The following SPOCK1 variants were observed in gnomAD, a reference collection of about 807,000 sequenced individuals.
The protein encoded by SPOCK1 is testican-1.
In SPOCK1, 23 loss-of-function variants were observed where a neutral mutation model predicts 55.3. The observed-to-expected ratio is 0.42, with a 90% confidence interval of 0.30 to 0.59. The LOEUF is 0.59. SPOCK1 is among the 20% of genes least tolerant of loss of function. The pLI is 0.22. For missense variants in SPOCK1, 499 were observed against 552.5 expected (o/e 0.90, Z 0.97); for synonymous variants, 226 against 221.0 (o/e 1.02, Z -0.20).
In SPOCK1 at chr5:137,233,314, G is replaced by A. The variant is rs1056645448; in HGVS notation, c.232+33696C>T. Among the ~76,000 whole-genome samples, 9 of 152,310 alleles carry A rather than the reference G, an allele frequency of 5.9e-5. No homozygotes were observed. The East Asian group carries it at 1.4e-3, about 23-fold the overall frequency. On this transcript the variant is annotated intron_variant, in intron 3 of 10. Coordinates refer to ENST00000394945, the MANE Select transcript of SPOCK1 (RefSeq NM_004598.4). ...CTGAATCTAAATGGTTCCATCTGGG[G>A]ATGATGAGAGACAGTGACAGATCAT...
intron 2 of SPOCK1, among the ~76,000 whole-genome samples, chr5:137,473,221 G>A (rs1248963833): frequency 6.6e-6 from 1 of 152,130 alleles, no homozygotes; most frequent in Non-Finnish European, 1.5e-5. Context: ...CCCATACATA[G>A]GAGACTGGCT....
chr5:137,350,470 A>G (rs1330346903), intron 2 of SPOCK1, among the ~76,000 whole-genome samples: 2 of 152,130 alleles, frequency 1.3e-5, no homozygotes, highest in East Asian at 3.9e-4. Flanking sequence ...AGCTTGGAGG[A>G]GGTTCATCTG....
rs11479277 is a variant in SPOCK1, at chr5:137,039,270, CTTTTTTTT to C, written c.589+28437_589+28444del. 6.4e-4 allele frequency among the ~76,000 whole-genome samples: 57 copies of C among 88,954 alleles called. No homozygotes were observed. The East Asian group carries it at 0.018, about 28-fold the overall frequency. The allele number at this position is 88,954 out of a possible 152,430, so 58.4% of individuals were successfully genotyped here. On this transcript the variant is annotated intron_variant, in intron 6 of 10. Transcript: ENST00000394945. ...TCACTCTGCCTTTCTGCCTGCCACA[CTTTTTTTT>C]TTTTTTTTTTTTTTTTTTTTGTTGT...
rs1483689272 is a variant in SPOCK1 at position 137,274,843 on chromosome 5, C to T, written c.187-7788G>A. 3.3e-5 allele frequency among the ~76,000 whole-genome samples: 5 copies of T among 152,184 alleles called. No individual in the cohort carries two copies. The East Asian group carries it at 7.7e-4, about 23-fold the overall frequency. On this transcript the variant is annotated intron_variant, in intron 2 of 10. Coordinates refer to ENST00000394945, the MANE Select transcript of SPOCK1 (RefSeq NM_004598.4). ...GCATATTTTGCGTAAAGGGCAGACA[C>T]GTACTATCTAAGATTCGGTCACACC...
At chr5:137,138,837 GAATGTC>G (rs1406244990) in intron 4 of SPOCK1, among the ~76,000 whole-genome samples, 2 of 151,902 alleles carry the variant, frequency 1.3e-5, no homozygotes, top group African/African-American at 4.8e-5. Flanking sequence ...CCTTTTCGTT[GAATGTC>G]AATGAATGGA....
At chr5:137,183,378 C>G (rs1000104036) in intron 3 of SPOCK1, among the ~76,000 whole-genome samples, 1 of 152,094 alleles carries the variant, frequency 6.6e-6, no homozygotes, top group Admixed American at 6.5e-5. Context: ...GGCCTGAAAA[C>G]CATGGTTCCC....
chr5:137,219,695 G>GCT (rs1183095302), intron 3 of SPOCK1, among the ~76,000 whole-genome samples: 2 of 152,190 alleles, frequency 1.3e-5, no homozygotes, highest in African/African-American at 4.8e-5. Context: ...ATGTTCTAGA[G>GCT]CTCATCATGA....
chr5:137,282,119 C>A (rs1405541303), intron 2 of SPOCK1, among the ~76,000 whole-genome samples: 1 of 152,178 alleles, frequency 6.6e-6, no homozygotes, highest in Non-Finnish European at 1.5e-5. Flanking sequence ...AAACACCCAG[C>A]GCATAGGATG....
At chr5:137,266,377 C>CA (rs1265337359) in intron 3 of SPOCK1, among the ~76,000 whole-genome samples, 2 of 152,262 alleles carry the variant, frequency 1.3e-5, no homozygotes, top group East Asian at 3.9e-4. Context: ...GGCAGGTCCT[C>CA]ACTGTGTCTT....
Position 137,422,589 on chromosome 5 carries a change from C to T in SPOCK1, c.186+75784G>A, listed in dbSNP as rs534732513. Among the ~76,000 whole-genome samples, 3 of 152,356 alleles carry T rather than the reference C, an allele frequency of 2.0e-5. No homozygotes were observed. The East Asian group carries it at 5.8e-4, about 29-fold the overall frequency. On this transcript the variant is annotated intron_variant, in intron 2 of 10. Transcript: ENST00000394945. ...CAGTTGATCGAATCAGCTACTGAGG[C>T]TTGTGCATTCGTCACGTAGTTCCCA... is the stretch of plus-strand genomic sequence containing the variant.
intron 2 of SPOCK1, among the ~76,000 whole-genome samples, chr5:137,489,213 C>T (rs1311586207): frequency 2.0e-5 from 3 of 152,180 alleles, no homozygotes; most frequent in Non-Finnish European, 4.4e-5. Flanking sequence ...GAAGTAAGTG[C>T]ATGCGTGTCT....
intron 3 of SPOCK1, among the ~76,000 whole-genome samples, chr5:137,194,465 GA>G (rs1268485850): frequency 6.6e-6 from 1 of 152,192 alleles, no homozygotes; most frequent in Non-Finnish European, 1.5e-5. Context: ...CCTCAAAGCA[GA>G]GTGGCGGGTG....
chr5:137,451,195 C>T (rs765539823), intron 2 of SPOCK1, among the ~76,000 whole-genome samples: 3 of 152,160 alleles, frequency 2.0e-5, no homozygotes, highest in Non-Finnish European at 4.4e-5. Flanking sequence ...GAACAGTTTT[C>T]CCCTTCTTAG....
At chr5:137,277,529 G>T (rs545042030) in intron 2 of SPOCK1, among the ~76,000 whole-genome samples, 1 of 152,286 alleles carries the variant, frequency 6.6e-6, no homozygotes, top group South Asian at 2.1e-4. Context: ...GCATGGGGCT[G>T]CCTGCCCTGT....
At chr5:137,413,128 T>A (rs1157876950) in intron 2 of SPOCK1, among the ~76,000 whole-genome samples, 1 of 152,222 alleles carries the variant, frequency 6.6e-6, no homozygotes, top group Non-Finnish European at 1.5e-5. Context: ...CACTATTACC[T>A]CATTTTAGAA....
At chr5:137,140,832 C>T (rs1335321912) in intron 3 of SPOCK1, 138 bp from the exon 4 acceptor site, 3 of 492,652 alleles carry the variant, frequency 6.1e-6, no homozygotes, top group Non-Finnish European at 1.0e-5. Context: ...GATCTCAGCT[C>T]ACTGCAACCT....
At chr5:136,990,326 A>G (rs1244346954) in intron 7 of SPOCK1, among the ~76,000 whole-genome samples, 1 of 151,532 alleles carries the variant, frequency 6.6e-6, no homozygotes, top group Non-Finnish European at 1.5e-5. Flanking sequence ...GCTTCCCCTC[A>G]TTGTCCATGC....
intron 3 of SPOCK1, among the ~76,000 whole-genome samples, chr5:137,163,239 T>G (rs1754591461): frequency 6.6e-6 from 1 of 152,212 alleles, no homozygotes. Context: ...GTGCTGGAAA[T>G]ATAGCAGTAA....
At chr5:137,171,354 G>A (rs539423203) in intron 3 of SPOCK1, among the ~76,000 whole-genome samples, 1 of 152,244 alleles carries the variant, frequency 6.6e-6, no homozygotes, top group African/African-American at 2.4e-5. Context: ...AGGGGATCTT[G>A]CTCATATCTA....
Sources: gnomAD v4.1 joint callset for allele counts (sites outside exome capture counted in the v4.1 genomes callset) on GRCh38, gnomAD v4.1.1 for gene constraint, MANE v1.5 for transcripts, NCBI Gene and HGNC (gene_info 2026-07-23, HGNC 2026-07-21) for gene names.